Variants in USP6NL observed in about 807,000 individuals in gnomAD.
USP6NL encodes the protein USP6 N-terminal-like protein.
USP6NL carries 26 observed loss-of-function variants against 61.9 expected under a neutral mutation model. The ratio of observed to expected loss-of-function variants is 0.42; its 90% CI spans 0.31 to 0.58. The LOEUF (loss-of-function observed/expected upper bound fraction) is 0.58, where lower values mean the gene tolerates loss of function less well. Among genes scored for constraint, USP6NL ranks in the 20% least tolerant of loss-of-function variants. The probability of loss-of-function intolerance (pLI) is 0.16; values close to 1 mark genes in which losing one functional copy is unlikely to be tolerated. For missense variants in USP6NL, 1,114 were observed against 1,034.3 expected, an observed-to-expected ratio of 1.08 and a Z score of -1.06; for synonymous variants, 432 against 390.1, an observed-to-expected ratio of 1.11 and a Z score of -1.27.
intron 14 of USP6NL, among the ~76,000 whole-genome samples, chr10:11,472,694 A>C (rs560023309): frequency 2.4e-4 from 36 of 152,348 alleles, no homozygotes; most frequent in Non-Finnish European, 4.7e-4. Context: ...ATTAGCCAAA[A>C]TATACAATTC....
intron 2 of USP6NL, among the ~76,000 whole-genome samples, chr10:11,576,445 A>AG (rs1837548804): frequency 6.6e-6 from 1 of 152,206 alleles, no homozygotes; most frequent in African/African-American, 2.4e-5. Context: ...AGGACCTTTG[A>AG]GAGTTGATTA....
intron 1 of USP6NL, among the ~76,000 whole-genome samples, chr10:11,604,968 A>G (rs1838659299): frequency 6.6e-6 from 1 of 152,226 alleles, no homozygotes; most frequent in Admixed American, 6.5e-5. Flanking sequence ...GGACTACTGT[A>G]TGTTATGTGA....
Position 11,537,560 on chromosome 10 carries a change from CATT to C in USP6NL, c.5-9996_5-9994del, listed in dbSNP as rs1368645675. Among the ~76,000 whole-genome samples the C allele has an allele frequency of 1.3e-5, 2 of 152,182 alleles. No homozygotes were observed. Among genetic ancestry groups the C allele is most frequent in the Non-Finnish European group, 2.9e-5 (2 of 68,034 alleles). On this transcript the variant is annotated intron_variant, in intron 2 of 14. Coordinates refer to ENST00000609104, the MANE Select transcript of USP6NL (RefSeq NM_014688.5). The surrounding 1 kb of genome is among the most constrained non-coding windows in gnomAD (Gnocchi z 5.1). ...AAAATATTTCTCGTATCACCAATAG[CATT>C]ATTACCATTATTTCCACTGTATCAT...
chr10:11,509,800 T>A, intron 5 of USP6NL, 125 bp from the exon 6 acceptor site: 1 of 743,450 alleles, frequency 1.3e-6, no homozygotes, highest in Non-Finnish European at 2.2e-6. Flanking sequence ...GCAGATATCC[T>A]AACTTGTAAA....
In USP6NL at chr10:11,553,102, C is replaced by T. The variant is rs1369205360; in HGVS notation, c.5-25535G>A. 2.6e-5 allele frequency among the ~76,000 whole-genome samples: 4 copies of T among 152,152 alleles called. No homozygotes were observed. Among genetic ancestry groups the T allele is most frequent in the African/African-American group, 7.2e-5 (3 of 41,440 alleles). On this transcript the variant is annotated intron_variant, in intron 2 of 14. Coordinates refer to ENST00000609104, the MANE Select transcript of USP6NL (RefSeq NM_014688.5). The surrounding 1 kb of genome is among the most constrained non-coding windows in gnomAD (Gnocchi z 4.8). The stretch of plus-strand genomic sequence containing the variant: ...TTAACATTTTATTTATCCTTCACCC[C>T]TCTACCTGTAATTTCTCACTAAGTT...
At chr10:11,564,736 A>G (rs1837064847) in intron 2 of USP6NL, 1 of 152,188 alleles carries the variant, frequency 6.6e-6, no homozygotes, top group Admixed American at 6.5e-5. Flanking sequence ...CCTATGATAC[A>G]CCTAAAAAAT....
Position 11,463,628 on chromosome 10 carries a change from T to C in USP6NL, c.1300A>G (p.Lys434Glu). ...TTTTTGCTCTCCTCCTCCACCGATTTCCGTCTTGGCGGCTGTGCTCTCTCG... is the reference window on the plus strand; with the variant it reads ...TTTTTGCTCTCCTCCTCCACCGATTCCCGTCTTGGCGGCTGTGCTCTCTCG... ...TPERAQPPRRKSVEEESKKLK... is the reference protein window; with the variant it reads ...TPERAQPPRRESVEEESKKLK... The change falls in exon 15 of 15, where the codon AAA (lysine) becomes GAA (glutamate). Residue 434 changes from lysine to glutamate, a missense_variant. Coordinates refer to ENST00000609104, the MANE Select transcript of USP6NL (RefSeq NM_014688.5). This position sits in a 1 kb window ranked among gnomAD's most constrained non-coding sequence, Gnocchi z 6.3. 1 of 1,613,974 alleles carries C rather than the reference T, an allele frequency of 6.2e-7. No individual in the cohort carries two copies. Among genetic ancestry groups the C allele is most frequent in the East Asian group, 2.2e-5 (1 of 44,868 alleles).
rs147043300 is a variant in USP6NL at position 11,485,694 on chromosome 10, C to T, written c.759+123G>A. The T allele has an allele frequency of 2.9e-3, 1,891 of 652,910 alleles. 23 individuals carry two copies. The African/African-American group carries it at 0.031, about 11-fold the overall frequency. The allele number at this position is 652,910 out of a possible 1,614,324, so 40.4% of individuals were successfully genotyped here. A position where few individuals can be genotyped will look rare whatever the true frequency, so the allele number is the denominator to read the frequency against. ...TGTAAACAACTGGGAATTATAACTG[C>T]ATAGTAAATGAAATGGATGACACTA... On this transcript the variant is annotated intron_variant, in intron 11 of 14. Coordinates refer to ENST00000609104, the MANE Select transcript of USP6NL (RefSeq NM_014688.5). The surrounding 1 kb of genome is among the most constrained non-coding windows in gnomAD (Gnocchi z 4.8).
chr10:11,503,017 T>C (rs76954852), intron 6 of USP6NL, among the ~76,000 whole-genome samples: 105 of 152,276 alleles, frequency 6.9e-4, no homozygotes, highest in Non-Finnish European at 1.2e-3. Flanking sequence ...AGACTTGTTT[T>C]CCCAAAGGAA....
At chr10:11,573,986 A>C (rs1343706434) in intron 2 of USP6NL, 11 of 237,118 alleles carry the variant, frequency 4.6e-5, no homozygotes, top group East Asian at 1.6e-4. Context: ...ACAAAACAAA[A>C]TGTGGGTAAT....
chr10:11,506,800 T>A (rs1267731541), intron 6 of USP6NL, among the ~76,000 whole-genome samples: 1 of 152,104 alleles, frequency 6.6e-6, no homozygotes, highest in East Asian at 1.9e-4. Flanking sequence ...AGGGCTATAT[T>A]TTTATTTCAA....
Position 11,463,582 on chromosome 10 carries a change from A to G in USP6NL, c.1346T>C (p.Phe449Ser). 1 of 1,613,916 alleles carries G rather than the reference A, an allele frequency of 6.2e-7. No homozygotes were observed. Among genetic ancestry groups the G allele is most frequent in the Non-Finnish European group, 8.5e-7 (1 of 1,179,878 alleles). The change falls in exon 15 of 15, where the codon TTT becomes TCT. Residue 449 changes from phenylalanine (F) to serine (S), a missense_variant. Physicochemically the swap from Phe to Ser is radical, Grantham distance 155. Transcript: ENST00000609104. This position sits in a 1 kb window ranked among gnomAD's most constrained non-coding sequence, Gnocchi z 6.3. ...ESKKLKDEAD[F>S]QRKLPSGPQD... ...TGGACCCGATGGGAGTTTTCTTTGA[A>G]AATCTGCCTCATCTTTAAGCTTTTT...
At chr10:11,483,659 A>G (rs1437432914) in intron 13 of USP6NL, among the ~76,000 whole-genome samples, 2 of 7,180 alleles carry the variant, frequency 2.8e-4, no homozygotes, top group African/African-American at 6.8e-4. Context: ...GAGGGGGGAG[A>G]GGGGTAGGGA....
In USP6NL at chr10:11,506,171, T is replaced by TA. The variant is rs71511387; in HGVS notation, c.276+3423dup. On this transcript the variant is annotated intron_variant, in intron 6 of 14. Coordinates refer to ENST00000609104, the MANE Select transcript of USP6NL (RefSeq NM_014688.5). Reference sequence around the variant, plus strand: ...AATATGCCTCCATTTTCCAGTCAGTTAAAAAAAAATGGTTAATATGGTCTG... The same window carrying TA: ...AATATGCCTCCATTTTCCAGTCAGTTAAAAAAAAAATGGTTAATATGGTCTG... 8.4e-3 allele frequency among the ~76,000 whole-genome samples: 1,270 copies of TA among 151,336 alleles called. 4 individuals carry two copies. The highest frequency in any genetic ancestry group is 0.012 in the South Asian group (57 of 4,782).
At chr10:11,582,057 C>T (rs897525628) in intron 2 of USP6NL, among the ~76,000 whole-genome samples, 2 of 152,028 alleles carry the variant, frequency 1.3e-5, no homozygotes, top group Non-Finnish European at 2.9e-5. Flanking sequence ...CTCCACCTCC[C>T]GGCTTCAAGC....
Position 11,540,345 on chromosome 10 carries a change from C to T in USP6NL, c.5-12778G>A, listed in dbSNP as rs10905969. 0.074 allele frequency among the ~76,000 whole-genome samples: 11,333 copies of T among 152,192 alleles called. 448 individuals are homozygous for T. Among genetic ancestry groups the T allele is most frequent in the Middle Eastern group, 0.099 (29 of 294 alleles). ...ATAATAACAAGAAATGATCTGGAAA[C>T]ATGTAAAAATTTGACACAATAATCA... On this transcript the variant is annotated intron_variant, in intron 2 of 14. Transcript: ENST00000609104. This position sits in a 1 kb window ranked among gnomAD's most constrained non-coding sequence, Gnocchi z 5.0.
chr10:11,464,587 G>A (rs999316050), intron 14 of USP6NL, among the ~76,000 whole-genome samples: 1 of 152,194 alleles, frequency 6.6e-6, no homozygotes, highest in Non-Finnish European at 1.5e-5. Flanking sequence ...CGTGGAGGCA[G>A]TGAGAAGAAG....
chr10:11,520,430 T>C lies in USP6NL; in HGVS notation c.156-1856A>G, dbSNP rs996330983. Among the ~76,000 whole-genome samples the C allele has an allele frequency of 1.3e-5, 2 of 152,158 alleles. No homozygotes were observed. The highest frequency in any genetic ancestry group is 2.9e-5 in the Non-Finnish European group (2 of 68,024). ...GTCTCTGTGCCGGCATATGCTTAAA[T>C]TTCACACCCTTCCGAGGATGACACT... On this transcript the variant is annotated intron_variant, in intron 4 of 14. Transcript: ENST00000609104. This position sits in a 1 kb window ranked among gnomAD's most constrained non-coding sequence, Gnocchi z 5.2.
rs1051307746 is a variant in USP6NL at position 11,462,237 on chromosome 10, G to T, written c.*204C>A. The T allele has an allele frequency of 1.6e-6, 1 of 611,102 alleles. No individual in the cohort carries two copies. Among genetic ancestry groups the T allele is most frequent in the African/African-American group, 1.8e-5 (1 of 54,248 alleles). The allele number at this position is 611,102 out of a possible 1,614,324, so 37.9% of individuals were successfully genotyped here. A position where few individuals can be genotyped will look rare whatever the true frequency, so the allele number is the denominator to read the frequency against. The stretch of plus-strand genomic sequence containing the variant: ...GATGTTTCCGGGTTAAATTCTAACA[G>T]GTCAGTGATGATGCAATTGAAACGC... On this transcript the variant is annotated 3_prime_UTR_variant, in exon 15 of 15. Transcript: ENST00000609104.
Sources: allele counts gnomAD v4.1 joint callset (sites outside exome capture counted in the v4.1 genomes callset), GRCh38; gene constraint gnomAD v4.1.1; non-coding constraint Gnocchi (gnomAD v3.1); transcripts MANE v1.5; gene names NCBI Gene and HGNC (gene_info 2026-07-23, HGNC 2026-07-21).